Variants in PIK3R4 observed in about 807,000 individuals in gnomAD.
PIK3R4 encodes phosphoinositide-3-kinase regulatory subunit 4.
A neutral mutation model predicts 136.5 loss-of-function variants in PIK3R4; 46 were observed. The observed-to-expected ratio is 0.34, with a 90% CI of 0.27 to 0.43. The LOEUF is 0.43. Ranked by LOEUF, PIK3R4 falls within the 20% of genes least tolerant of loss-of-function variation. The pLI is 1.00. For synonymous variants in PIK3R4, 557 were observed against 566.7 expected (o/e 0.98, Z 0.24); for missense variants, 1,331 against 1,649.5 (o/e 0.81, Z 3.35).
chr3:130,726,331 T>C (rs1395357088), intron 6 of PIK3R4, among the ~76,000 whole-genome samples: 1 of 152,152 alleles, frequency 6.6e-6, no homozygotes, highest in African/African-American at 2.4e-5. Context: ...TTGGAAGTAA[T>C]ATAATATATA....
chr3:130,733,936 A>G lies in PIK3R4; in HGVS notation c.1062T>C (p.Ile354=). The G allele has an allele frequency of 1.2e-6, 2 of 1,614,134 alleles. No individual in the cohort carries two copies. The highest frequency in any genetic ancestry group is 1.7e-6 in the Non-Finnish European group (2 of 1,180,008). The change falls in exon 4 of 20, where the codon ATT becomes ATC. Residue 354 remains isoleucine (I), a synonymous_variant. Coordinates refer to ENST00000356763, the MANE Select transcript of PIK3R4 (RefSeq NM_014602.3). ...LVIRKDLGNI[I]HNLCGHDLPE... ...GCAGATCATGTCCACAGAGATTGTG[A>G]ATAATGTTGCCCAAATCCTTCCGTA...
intron 4 of PIK3R4, 85 bp from the exon 5 acceptor site, chr3:130,730,527 A>G (rs2066755777): frequency 3.3e-6 from 3 of 909,322 alleles, no homozygotes; most frequent in Non-Finnish European, 4.8e-6. Flanking sequence ...GTCTTTATAC[A>G]TAAATAATCA....
At chr3:130,722,093 A>G (rs1339577890) in intron 7 of PIK3R4, among the ~76,000 whole-genome samples, 1 of 152,220 alleles carries the variant, frequency 6.6e-6, no homozygotes, top group African/African-American at 2.4e-5. Flanking sequence ...ACAGAATGAG[A>G]GAGATGTATA....
Position 130,686,262 on chromosome 3 carries a change from C to A in PIK3R4, c.3424G>T (p.Gly1142Cys). The change falls in exon 15 of 20, where the codon GGC becomes TGC. Residue 1142 changes from glycine to cysteine, a missense_variant. Gly to Cys is a radical substitution (Grantham distance 159). Transcript: ENST00000356763. ...TCCACAGCAAAGGAAGTGATGAGGC[C>A]CGACTTTAAATCATGCTTTAAAGTC... ...AWTLKHDLKS[G>C]LITSFAVDIH... 1 of 1,613,464 alleles carries A rather than the reference C, an allele frequency of 6.2e-7. No homozygotes were observed. Among genetic ancestry groups the A allele is most frequent in the Non-Finnish European group, 8.5e-7 (1 of 1,179,570 alleles).
chr3:130,735,031 A>G (rs187246220), intron 3 of PIK3R4, among the ~76,000 whole-genome samples: 1 of 152,312 alleles, frequency 6.6e-6, no homozygotes, highest in African/African-American at 2.4e-5. Context: ...GCCCAAAGAC[A>G]TGAAGTTATA....
Position 130,705,739 on chromosome 3 carries a change from T to C in PIK3R4, c.2754A>G (p.Lys918=). 6.2e-7 allele frequency: 1 copy of C among 1,610,200 alleles called. No homozygotes were observed. The highest frequency in any genetic ancestry group is 1.1e-5 in the South Asian group (1 of 90,982). The change falls in exon 12 of 20, where the codon AAA becomes AAG. Residue 918 remains lysine, a synonymous_variant. Transcript: ENST00000356763. The part of the protein sequence containing the change: ...VPEVTTVQNK[K]PVIPVLSSTI... ...TACTACTTAAAACCGGTATTACTGG[T>C]TTTTTATTTTGGACAGTTGTCACTT...
At chr3:130,720,656 A>G (rs77251552) in intron 7 of PIK3R4, among the ~76,000 whole-genome samples, 31,343 of 152,128 alleles carry the variant, frequency 0.21, 3,496 homozygotes, top group South Asian at 0.36. Flanking sequence ...ACATTTCAGT[A>G]TTCATCCTCT....
chr3:130,737,341 A>G (rs2066791748), intron 2 of PIK3R4, among the ~76,000 whole-genome samples: 2 of 152,122 alleles, frequency 1.3e-5, no homozygotes, highest in Admixed American at 1.3e-4. Context: ...TCTATTTACA[A>G]TGGGGTTAGA....
chr3:130,727,930 T>G (rs564624729), intron 6 of PIK3R4, among the ~76,000 whole-genome samples: 28 of 152,038 alleles, frequency 1.8e-4, no homozygotes, highest in African/African-American at 6.3e-4. Flanking sequence ...AATTGTAAAA[T>G]GAAAGAACAG....
In PIK3R4 at chr3:130,718,524, C is replaced by G. The variant is rs745365267; in HGVS notation, c.1992G>C (p.Leu664=). The stretch of plus-strand genomic sequence containing the variant: ...AACGTATCCATAAATTGGGATGACA[C>G]AGGAAGGGGGCTAAAGAGGAAAAGA... ...YEFASDIAPF[L]CHPNLWIRYG... is the part of the protein sequence containing the mutation. Residue 664 remains leucine (L), a synonymous_variant, in exon 8 of 20, where the codon CTG becomes CTC. Coordinates refer to ENST00000356763, the MANE Select transcript of PIK3R4 (RefSeq NM_014602.3). 1 of 1,613,650 alleles carries G rather than the reference C, an allele frequency of 6.2e-7. No individual in the cohort carries two copies. Among genetic ancestry groups the G allele is most frequent in the South Asian group, 1.1e-5 (1 of 91,056 alleles).
intron 15 of PIK3R4, 24 bp downstream of exon 15, chr3:130,686,187 C>G: frequency 6.6e-7 from 1 of 1,516,310 alleles, no homozygotes; most frequent in Non-Finnish European, 9.2e-7. Context: ...CAAAACCCAG[C>G]CAATGACTTG....
At chr3:130,698,712 GCCTAA>G (rs1255000697) in intron 13 of PIK3R4, among the ~76,000 whole-genome samples, 1 of 151,968 alleles carries the variant, frequency 6.6e-6, no homozygotes, top group Non-Finnish European at 1.5e-5. Flanking sequence ...TTGTTTCTTT[GCCTAA>G]CTTGTAATCT....
intron 7 of PIK3R4, among the ~76,000 whole-genome samples, chr3:130,720,320 C>T (rs1003863245): frequency 1.3e-5 from 2 of 152,222 alleles, no homozygotes; most frequent in East Asian, 1.9e-4. Flanking sequence ...CCCAGCCTCC[C>T]GAGTAGCTAG....
chr3:130,695,139 A>G (rs1200520255), intron 13 of PIK3R4, among the ~76,000 whole-genome samples: 1 of 152,010 alleles, frequency 6.6e-6, no homozygotes. Flanking sequence ...CTTGGTCATG[A>G]TATTATTTTT....
rs1022134864 is a variant in PIK3R4 at position 130,736,106 on chromosome 3, A to G, written c.734-104T>C. 6 of 758,266 alleles carry G rather than the reference A, an allele frequency of 7.9e-6. No individual in the cohort carries two copies. In the African/African-American group the frequency reaches 1.1e-4, roughly 14 times the overall value. The allele number at this position is 758,266 out of a possible 1,614,324, so 47.0% of individuals were successfully genotyped here. ...CATAAAACCCAAAATGCAAAACCCC[A>G]AAGTAAATGAAATTAAAAATTTTAA... On this transcript the variant is annotated intron_variant, in intron 2 of 19. Coordinates refer to ENST00000356763, the MANE Select transcript of PIK3R4 (RefSeq NM_014602.3).
intron 9 of PIK3R4, among the ~76,000 whole-genome samples, chr3:130,708,941 G>A (rs192957165): frequency 6.6e-6 from 1 of 152,226 alleles, no homozygotes; most frequent in Admixed American, 6.5e-5. Context: ...TATATTGAAT[G>A]AGTATGTAAA....
intron 6 of PIK3R4, among the ~76,000 whole-genome samples, chr3:130,727,526 A>G (rs1236659600): frequency 8.5e-6 from 1 of 117,134 alleles, no homozygotes; most frequent in East Asian, 2.7e-4. Flanking sequence ...CCCGGCCCTT[A>G]AAGTCTTACA....
intron 13 of PIK3R4, among the ~76,000 whole-genome samples, chr3:130,691,270 TCTA>T (rs2066517035): frequency 6.6e-6 from 1 of 152,208 alleles, no homozygotes; most frequent in Admixed American, 6.5e-5. Flanking sequence ...ATCACGGACT[TCTA>T]CTACCAACTA....
At chr3:130,706,806 T>C (rs982368468) in intron 11 of PIK3R4, 142 bp downstream of exon 11, 1 of 509,978 alleles carries the variant, frequency 2.0e-6, no homozygotes, top group Non-Finnish European at 3.3e-6. Context: ...AAGATAAACC[T>C]GTCTTAGAAA....
Sources: allele counts gnomAD v4.1 joint callset (sites outside exome capture counted in the v4.1 genomes callset), GRCh38; gene constraint gnomAD v4.1.1; transcripts MANE v1.5; gene names NCBI Gene and HGNC (gene_info 2026-07-23, HGNC 2026-07-21).